The following TRPM5 variants were observed in gnomAD, a reference collection of about 807,000 sequenced individuals.
TRPM5 encodes MLSN1 and TRP-related.
Under a neutral mutation model 124.9 loss-of-function variants are expected in TRPM5, and 121 were observed. That is an observed-to-expected ratio of 0.97 (90% CI 0.84 to 1.13). TRPM5 has a LOEUF of 1.13. Ranked by LOEUF, TRPM5 falls within the 50% of genes most tolerant of loss-of-function variation. TRPM5 has a pLI of 0.00. For synonymous variants in TRPM5, 781 were observed against 700.5 expected, an observed-to-expected ratio of 1.11 and a Z score of -1.81; for missense variants, 1,643 against 1,589.1, an observed-to-expected ratio of 1.03 and a Z score of -0.58.
In TRPM5 at chr11:2,410,735, G is replaced by A. The variant is rs538984483; in HGVS notation, c.2782+617C>T. 8.7e-4 allele frequency: 397 copies of A among 454,404 alleles called. 2 individuals carry two copies. Among genetic ancestry groups the A allele is most frequent in the African/African-American group, 6.8e-3 (343 of 50,128 alleles). 28.1% of individuals were successfully genotyped at this position (454,404 alleles called of 1,614,324 possible). On this transcript the variant is annotated intron_variant, in intron 18 of 23. Coordinates refer to ENST00000155858, the Ensembl canonical transcript of TRPM5. ...CCAGCCCCAGCCAGCTACAGGGGTC[G>A]GCCTGGGGACACCCATAGGCATGGG...
At chr11:2,430,887 ATGGTGACGGTATTGG>A in the TRPM5 span, among the ~76,000 whole-genome samples, 1 of 106,852 alleles carries the variant, frequency 9.4e-6, no homozygotes, top group Non-Finnish European at 1.9e-5. Context: ...GGTTTTGGTG[ATGGTGACGGTATTGG>A]TGGTGGTGGT....
the TRPM5 span, among the ~76,000 whole-genome samples, chr11:2,434,042 T>A: frequency 6.6e-6 from 1 of 151,444 alleles, no homozygotes; most frequent in Non-Finnish European, 1.5e-5. Flanking sequence ...GCTGTGTGTG[T>A]GGACGCAGTG....
chr11:2,418,521 C>T lies in TRPM5; in HGVS notation c.714+6G>A. On this transcript the variant is annotated splice_donor_region_variant and intron_variant, in intron 5 of 23. Transcript: ENST00000155858. ...GCCAGCCAGGGGGCCTCAGCCAGGC[C>T]CCTACCTCCAAGGTGTTGGGATCAC... is the stretch of plus-strand genomic sequence containing the variant. The T allele has an allele frequency of 6.2e-7, 1 of 1,609,646 alleles. No individual in the cohort carries two copies. The highest frequency in any genetic ancestry group is 1.3e-5 in the African/African-American group (1 of 74,972).
chr11:2,417,415 A>G (rs1055519113), intron 7 of TRPM5, among the ~76,000 whole-genome samples: 6 of 152,236 alleles, frequency 3.9e-5, no homozygotes, highest in Non-Finnish European at 7.3e-5. Flanking sequence ...AGATCGCAGC[A>G]CTGCACTCCA....
chr11:2,424,914 G>A (rs1008282160), upstream of TRPM5, among the ~76,000 whole-genome samples: 15 of 152,214 alleles, frequency 9.9e-5, no homozygotes, highest in Non-Finnish European at 2.1e-4. Context: ...CCCTCCTCCG[G>A]CCAGGCCTGT....
At chr11:2,407,396 T>G in intron 19 of TRPM5, 96 bp from the exon 25 acceptor site, 2 of 1,253,010 alleles carry the variant, frequency 1.6e-6, no homozygotes, top group South Asian at 2.7e-5. Context: ...GGAGCCCTTT[T>G]TGAAACTGAG....
At chr11:2,408,307 G>A (rs1339037620) in intron 18 of TRPM5, among the ~76,000 whole-genome samples, 3 of 152,082 alleles carry the variant, frequency 2.0e-5, no homozygotes, top group Non-Finnish European at 2.9e-5. Context: ...CCCCTCCTCC[G>A]AAAAAAGCCT....
chr11:2,433,998 G>A, the TRPM5 span, among the ~76,000 whole-genome samples: 3 of 151,966 alleles, frequency 2.0e-5, no homozygotes, highest in African/African-American at 7.3e-5. Flanking sequence ...GATCTGTGTG[G>A]ATGCTGTGTG....
chr11:2,407,479 C>T (rs1257101398), intron 19 of TRPM5, among the ~76,000 whole-genome samples, 179 bp from the exon 25 acceptor site: 1 of 152,206 alleles, frequency 6.6e-6, no homozygotes, highest in Admixed American at 6.5e-5. Flanking sequence ...TTCCCCTGTC[C>T]ACTCTGCTCT....
chr11:2,418,427 G>T, intron 5 of TRPM5, 69 bp from the exon 11 acceptor site: 1 of 1,501,428 alleles, frequency 6.7e-7, no homozygotes, highest in Non-Finnish European at 8.9e-7. Flanking sequence ...AGGTGTCAGG[G>T]GTGCCCCCAT....
the TRPM5 span, among the ~76,000 whole-genome samples, chr11:2,444,187 G>C: frequency 6.7e-6 from 1 of 149,378 alleles, no homozygotes; most frequent in Non-Finnish European, 1.5e-5. Flanking sequence ...TCACCCTCCC[G>C]GTCCAAGGGC....
At chr11:2,435,746 C>T in the TRPM5 span, among the ~76,000 whole-genome samples, 1 of 152,066 alleles carries the variant, frequency 6.6e-6, no homozygotes, top group Non-Finnish European at 1.5e-5. The surrounding 1 kb of genome is among the most constrained non-coding windows in gnomAD (Gnocchi z 4.1). Flanking sequence ...TCAAACTGTC[C>T]ATCTGTCCAC....
At chr11:2,415,704 C>G (rs1845659382) in intron 8 of TRPM5, among the ~76,000 whole-genome samples, 1 of 152,202 alleles carries the variant, frequency 6.6e-6, no homozygotes, top group African/African-American at 2.4e-5. Context: ...GCTTTGGGGA[C>G]AGCCGGCACC....
Position 2,415,848 on chromosome 11 carries a change from C to T in TRPM5, c.1128+58G>A, listed in dbSNP as rs547803312. ...GCCCACAGGGTGCAGGAGCAGGCAG[C>T]GTGGGCAGCTCGGGCAGTGCCATGA... On this transcript the variant is annotated intron_variant, in intron 8 of 23. Transcript: ENST00000155858. 23 of 1,266,514 alleles carry T rather than the reference C, an allele frequency of 1.8e-5. No individual in the cohort carries two copies. In the East Asian group the frequency reaches 4.8e-4, roughly 26 times the overall value. The allele number at this position is 1,266,514 out of a possible 1,614,324, so 78.5% of individuals were successfully genotyped here. A position where few individuals can be genotyped will look rare whatever the true frequency, so the allele number is the denominator to read the frequency against.
At chr11:2,423,123 T>C, upstream of TRPM5, 5 of 1,121,270 alleles carry the variant, frequency 4.5e-6, no homozygotes, top group South Asian at 7.2e-5. Flanking sequence ...GGGCTGGCTC[T>C]GCTTTCCCCT....
chr11:2,406,006 G>A lies in TRPM5; in HGVS notation c.3324+13C>T, dbSNP rs201606499. ...GCCTCCCATCAGGGAGAGGAGCTCTGGGGCTCGCTTGCCTGTGACTCCAGA... is the reference window on the plus strand; with the variant it reads ...GCCTCCCATCAGGGAGAGGAGCTCTAGGGCTCGCTTGCCTGTGACTCCAGA... On this transcript the variant is annotated intron_variant, in intron 22 of 23. Transcript: ENST00000155858. The A allele has an allele frequency of 8.1e-5, 131 of 1,609,212 alleles. No homozygotes were observed. In the African/African-American group the frequency reaches 1.2e-3, roughly 15 times the overall value.
At chr11:2,415,145 G>A in exon 9 of TRPM5, 1 of 1,571,502 alleles carries the variant, frequency 6.4e-7, no homozygotes, top group Admixed American at 1.8e-5. Context: ...CCCCTGGCCG[G>A]CCGTCCTGGT....
chr11:2,411,613 G>C, intron 17 of TRPM5, 22 bp downstream of exon 22: 1 of 1,612,236 alleles, frequency 6.2e-7, no homozygotes, highest in Non-Finnish European at 8.5e-7. Context: ...CAGGGCCAGG[G>C]CCAGGGCCCC....
chr11:2,429,285 T>A, the TRPM5 span, among the ~76,000 whole-genome samples: 2 of 148,336 alleles, frequency 1.3e-5, no homozygotes, highest in East Asian at 3.9e-4. The surrounding 1 kb of genome is among the most constrained non-coding windows in gnomAD (Gnocchi z 8.4). Flanking sequence ...ATGATGATAG[T>A]GGTGGTGGTT....
Sources: allele counts gnomAD v4.1 joint callset (sites outside exome capture counted in the v4.1 genomes callset), GRCh38; gene constraint gnomAD v4.1.1; non-coding constraint Gnocchi (gnomAD v3.1); transcripts MANE v1.5; gene names NCBI Gene and HGNC (gene_info 2026-07-23, HGNC 2026-07-21).